Variants in CSGALNACT1 observed in about 807,000 individuals in gnomAD.
CSGALNACT1 encodes the protein beta4GalNAcT-1.
In CSGALNACT1, 52 loss-of-function variants were observed where a neutral mutation model predicts 51.0. The observed-to-expected ratio is 1.02, with a 90% CI of 0.82 to 1.29. The LOEUF is 1.29. Ranked by LOEUF, CSGALNACT1 falls within the 50% of genes most tolerant of loss-of-function variation. The pLI, the probability that CSGALNACT1 is intolerant of heterozygous loss-of-function variation, is 0.00. For missense variants in CSGALNACT1, 935 were observed against 679.2 expected (o/e 1.38, Z -4.19); for synonymous variants, 341 against 254.4 (o/e 1.34, Z -3.24).
chr8:19,524,163 TC>T (rs1390871438), intron 3 of CSGALNACT1, among the ~76,000 whole-genome samples: 3 of 152,000 alleles, frequency 2.0e-5, no homozygotes, highest in Non-Finnish European at 4.4e-5. Context: ...TGTGGTACAT[TC>T]CTGTAGTCCT....
At chr8:19,543,143 T>C (rs192892520) in intron 3 of CSGALNACT1, among the ~76,000 whole-genome samples, 63 of 152,314 alleles carry the variant, frequency 4.1e-4, no homozygotes, top group Admixed American at 2.9e-3. Context: ...AGATGTATAT[T>C]ATATACAGAA....
At chr8:19,743,606 A>G (rs1395680446) in intron 1 of CSGALNACT1, among the ~76,000 whole-genome samples, 2 of 152,234 alleles carry the variant, frequency 1.3e-5, no homozygotes, top group Non-Finnish European at 2.9e-5. Context: ...ATGGACTTTC[A>G]GTGATGGTGG....
chr8:19,417,260 A>G (rs2153689678), intron 8 of CSGALNACT1, among the ~76,000 whole-genome samples: 1 of 152,270 alleles, frequency 6.6e-6, no homozygotes, highest in South Asian at 2.1e-4. Flanking sequence ...TGGTATTGCA[A>G]TTCCACTAGG....
chr8:19,431,649 T>C (rs2059667433), intron 6 of CSGALNACT1, among the ~76,000 whole-genome samples: 1 of 152,080 alleles, frequency 6.6e-6, no homozygotes, highest in South Asian at 2.1e-4. Flanking sequence ...CTTTGTCTGG[T>C]TAGGTTATCA....
At chr8:19,735,206 G>A (rs765552025) in intron 1 of CSGALNACT1, among the ~76,000 whole-genome samples, 7 of 152,222 alleles carry the variant, frequency 4.6e-5, no homozygotes, top group Admixed American at 3.9e-4. Flanking sequence ...GGTGAAAAAT[G>A]AAAAAGAGGT....
At chr8:19,470,425 A>G (rs2067860698) in intron 4 of CSGALNACT1, among the ~76,000 whole-genome samples, 1 of 152,168 alleles carries the variant, frequency 6.6e-6, no homozygotes, top group South Asian at 2.1e-4. Context: ...AGAGAGCATG[A>G]ATTTGCACTG....
intron 1 of CSGALNACT1, among the ~76,000 whole-genome samples, chr8:19,647,660 T>A (rs995107899): frequency 6.6e-6 from 1 of 152,196 alleles, no homozygotes; most frequent in African/African-American, 2.4e-5. Flanking sequence ...AATGGCTGCA[T>A]AATTTACAAA....
intron 1 of CSGALNACT1, among the ~76,000 whole-genome samples, chr8:19,655,507 G>A (rs1300273711): frequency 6.6e-6 from 1 of 151,480 alleles, no homozygotes; most frequent in Non-Finnish European, 1.5e-5. Flanking sequence ...ACTAAGGCAT[G>A]TGCCACCATT....
chr8:19,597,023 C>T (rs2049048863), intron 2 of CSGALNACT1, among the ~76,000 whole-genome samples: 1 of 152,058 alleles, frequency 6.6e-6, no homozygotes, highest in Non-Finnish European at 1.5e-5. Flanking sequence ...GCCCCTGACA[C>T]CTCTCATTCT....
chr8:19,623,768 A>G (rs2054116526), intron 1 of CSGALNACT1, among the ~76,000 whole-genome samples: 1 of 152,242 alleles, frequency 6.6e-6, no homozygotes, highest in Non-Finnish European at 1.5e-5. Flanking sequence ...ACCTATTGAT[A>G]ATAAATCCTT....
intron 4 of CSGALNACT1, among the ~76,000 whole-genome samples, chr8:19,487,647 C>T (rs1052191515): frequency 6.6e-6 from 1 of 152,220 alleles, no homozygotes; most frequent in African/African-American, 2.4e-5. Context: ...CTTACAAACT[C>T]GCCTGCACCT....
At chr8:19,596,520 T>A (rs1047931711) in intron 2 of CSGALNACT1, among the ~76,000 whole-genome samples, 1 of 151,748 alleles carries the variant, frequency 6.6e-6, no homozygotes, top group East Asian at 1.9e-4. Flanking sequence ...TTATCTTTGC[T>A]GAAGAAAAAC....
intron 1 of CSGALNACT1, among the ~76,000 whole-genome samples, chr8:19,728,420 A>G (rs2063517931): frequency 6.6e-6 from 1 of 152,216 alleles, no homozygotes; most frequent in Admixed American, 6.5e-5. Flanking sequence ...TATTAATGCT[A>G]CATACAGTAA....
intron 4 of CSGALNACT1, among the ~76,000 whole-genome samples, chr8:19,474,488 G>C (rs2068944074): frequency 6.6e-6 from 1 of 152,116 alleles, no homozygotes; most frequent in Non-Finnish European, 1.5e-5. Context: ...TAAGGGCAGT[G>C]ACTAAAGCCC....
intron 8 of CSGALNACT1, among the ~76,000 whole-genome samples, chr8:19,415,991 A>T (rs2056789875): frequency 6.6e-6 from 1 of 151,670 alleles, no homozygotes; most frequent in African/African-American, 2.4e-5. Flanking sequence ...ATTTAAAAAC[A>T]TTTTCTTGTA....
chr8:19,578,705 TG>T (rs2044848971), intron 3 of CSGALNACT1, among the ~76,000 whole-genome samples: 1 of 152,154 alleles, frequency 6.6e-6, no homozygotes, highest in Non-Finnish European at 1.5e-5. Context: ...TGACCCAAGC[TG>T]TCTCTATTTT....
chr8:19,412,745 G>C (rs1298007190), intron 8 of CSGALNACT1, among the ~76,000 whole-genome samples: 2 of 152,098 alleles, frequency 1.3e-5, no homozygotes, highest in African/African-American at 4.8e-5. Flanking sequence ...CTTGTATTGG[G>C]TCATGTCAAT....
chr8:19,617,160 T>C (rs2154156808), intron 1 of CSGALNACT1, among the ~76,000 whole-genome samples: 1 of 152,268 alleles, frequency 6.6e-6, no homozygotes, highest in Middle Eastern at 3.4e-3. Flanking sequence ...ACATGTGCAG[T>C]TCACAATAGG....
At chr8:19,708,997 C>A (rs187916417) in intron 1 of CSGALNACT1, among the ~76,000 whole-genome samples, 323 of 152,306 alleles carry the variant, frequency 2.1e-3, no homozygotes, top group African/African-American at 7.5e-3. Flanking sequence ...GGAAAGATCA[C>A]ATTAGATAAA....
Sources: allele counts gnomAD v4.1 joint callset (sites outside exome capture counted in the v4.1 genomes callset), GRCh38; gene constraint gnomAD v4.1.1; transcripts MANE v1.5; gene names NCBI Gene and HGNC (gene_info 2026-07-23, HGNC 2026-07-21).